SGCZ: variants seen among roughly 807,000 people sequenced by gnomAD.
The protein encoded by SGCZ is sarcoglycan zeta.
Under a neutral mutation model 41.3 loss-of-function variants are expected in SGCZ, and 40 were observed. The observed-to-expected ratio is 0.97, with a 90% CI of 0.75 to 1.26. SGCZ has a LOEUF of 1.26. SGCZ is among the 50% of genes most tolerant of loss of function. SGCZ has a pLI of 0.00. For missense variants in SGCZ, 552 were observed against 369.8 expected (o/e 1.49, Z -4.04); for synonymous variants, 206 against 137.5 (o/e 1.50, Z -3.49).
At chr8:14,565,918 C>A in intron 1 of SGCZ, among the ~76,000 whole-genome samples, 1 of 152,014 alleles carries the variant, frequency 6.6e-6, no homozygotes, top group Non-Finnish European at 1.5e-5. Flanking sequence ...CTCTGACAAA[C>A]TTCTTTACAT....
chr8:14,775,469 G>C lies in SGCZ; in HGVS notation c.40-220543C>G, dbSNP rs879316149. 2.3e-3 allele frequency among the ~76,000 whole-genome samples: 341 copies of C among 150,224 alleles called. 3 individuals are homozygous for C. The highest frequency in any genetic ancestry group is 2.9e-3 in the African/African-American group (119 of 41,130). ...CTGAGTAGAATATTTGAGTGTGTGTGTGTGTGTGTGTGTGTGTGTGTGTGT... is the reference window on the plus strand; with the variant it reads ...CTGAGTAGAATATTTGAGTGTGTGTCTGTGTGTGTGTGTGTGTGTGTGTGT... On this transcript the variant is annotated intron_variant, in intron 1 of 7. Transcript: ENST00000382080.
chr8:14,695,752 T>G (rs971466570), intron 1 of SGCZ, among the ~76,000 whole-genome samples: 3 of 151,780 alleles, frequency 2.0e-5, no homozygotes, highest in African/African-American at 7.3e-5. Flanking sequence ...CATGCATATC[T>G]AAGGGCACAA....
At chr8:14,259,080 A>G (rs1415528202) in intron 3 of SGCZ, among the ~76,000 whole-genome samples, 2 of 152,174 alleles carry the variant, frequency 1.3e-5, no homozygotes, top group African/African-American at 4.8e-5. Flanking sequence ...ATGTTATGAA[A>G]AAAGGCATTT....
chr8:14,256,860 A>G (rs141146520), intron 3 of SGCZ, among the ~76,000 whole-genome samples: 1,732 of 152,300 alleles, frequency 0.011, 28 homozygotes, highest in African/African-American at 0.039. Flanking sequence ...AGCTAAATTA[A>G]TTATTTATAG....
At chr8:14,409,538 T>C (rs894268040) in intron 2 of SGCZ, among the ~76,000 whole-genome samples, 5 of 152,122 alleles carry the variant, frequency 3.3e-5, no homozygotes, top group South Asian at 2.1e-4. Flanking sequence ...TAAGAACTTA[T>C]GGGAATTAAA....
chr8:14,611,273 C>G (rs185253760), intron 1 of SGCZ, among the ~76,000 whole-genome samples: 14 of 151,978 alleles, frequency 9.2e-5, no homozygotes, highest in Admixed American at 2.6e-4. Flanking sequence ...CATTTTTATT[C>G]CCTTTGAGAA....
intron 1 of SGCZ, among the ~76,000 whole-genome samples, chr8:15,124,745 C>G (rs1459204933): frequency 6.6e-6 from 1 of 151,902 alleles, no homozygotes; most frequent in Admixed American, 6.6e-5. Context: ...GCAAGAAATG[C>G]CAAAGGGGGA....
In SGCZ at chr8:14,766,055, C is replaced by T. The variant is rs1173476278; in HGVS notation, c.40-211129G>A. On this transcript the variant is annotated intron_variant, in intron 1 of 7. Coordinates refer to ENST00000382080, the MANE Select transcript of SGCZ (RefSeq NM_139167.4). ...TCGGCTCACTGCAACCTCCACCTCC[C>T]GGGTTCAAGCAATTCTCCTGCCTCA... Among the ~76,000 whole-genome samples the T allele has an allele frequency of 2.0e-5, 3 of 151,584 alleles. No homozygotes were observed. The East Asian group carries it at 5.8e-4, about 29-fold the overall frequency.
At chr8:14,664,414 A>G (rs965501728) in intron 1 of SGCZ, among the ~76,000 whole-genome samples, 23 of 152,196 alleles carry the variant, frequency 1.5e-4, no homozygotes, top group African/African-American at 5.1e-4. Context: ...GTGTCTTTAA[A>G]ATGAAAGAAA....
intron 2 of SGCZ, among the ~76,000 whole-genome samples, chr8:14,440,096 G>C (rs1212231670): frequency 1.3e-5 from 2 of 151,848 alleles, no homozygotes; most frequent in African/African-American, 2.4e-5. Flanking sequence ...GTTCTTATAA[G>C]CCAGTGAATG....
chr8:14,574,670 T>A, intron 1 of SGCZ, among the ~76,000 whole-genome samples: 1 of 152,230 alleles, frequency 6.6e-6, no homozygotes, highest in East Asian at 1.9e-4. Flanking sequence ...CTTTGGGGCT[T>A]CAATCTGAAC....
At chr8:14,804,585 G>T (rs1230759078) in intron 1 of SGCZ, among the ~76,000 whole-genome samples, 1 of 140,858 alleles carries the variant, frequency 7.1e-6, no homozygotes, top group Non-Finnish European at 1.6e-5. Context: ...TATGTGAAAA[G>T]ACCAAATCTA....
chr8:14,616,226 T>C (rs1207404379), intron 1 of SGCZ, among the ~76,000 whole-genome samples: 1 of 150,500 alleles, frequency 6.6e-6, no homozygotes, highest in Admixed American at 6.6e-5. Flanking sequence ...GAACTTGCAG[T>C]GAGTGGAGAT....
chr8:14,988,114 A>G (rs1378245272), intron 1 of SGCZ, among the ~76,000 whole-genome samples: 1 of 152,046 alleles, frequency 6.6e-6, no homozygotes, highest in Non-Finnish European at 1.5e-5. Flanking sequence ...GTGATTTAAA[A>G]TATATTGTTT....
intron 1 of SGCZ, among the ~76,000 whole-genome samples, chr8:14,738,622 A>C (rs1799115234): frequency 6.6e-6 from 1 of 152,066 alleles, no homozygotes; most frequent in Non-Finnish European, 1.5e-5. Context: ...GGTTAGCAGC[A>C]GTTTACATGA....
At chr8:14,949,283 T>C (rs1458062162) in intron 1 of SGCZ, among the ~76,000 whole-genome samples, 1 of 152,208 alleles carries the variant, frequency 6.6e-6, no homozygotes, top group Non-Finnish European at 1.5e-5. Flanking sequence ...AAGATACTGA[T>C]AAGATTCTCT....
chr8:14,812,942 CTT>C (rs893151400), intron 1 of SGCZ, among the ~76,000 whole-genome samples: 1 of 152,092 alleles, frequency 6.6e-6, no homozygotes, highest in Non-Finnish European at 1.5e-5. Context: ...ATATGCCAGA[CTT>C]ATATAATTAT....
At chr8:14,595,147 T>A (rs1441148056) in intron 1 of SGCZ, among the ~76,000 whole-genome samples, 1 of 152,190 alleles carries the variant, frequency 6.6e-6, no homozygotes, top group Non-Finnish European at 1.5e-5. Flanking sequence ...TGGAATTAGT[T>A]CTACCCTTTC....
At chr8:15,003,538 C>T (rs1200867778) in intron 1 of SGCZ, among the ~76,000 whole-genome samples, 14 of 152,016 alleles carry the variant, frequency 9.2e-5, no homozygotes, top group Admixed American at 9.2e-4. Context: ...TTAGTCAAAC[C>T]ATACAATTAA....
Sources: allele counts gnomAD v4.1 joint callset (sites outside exome capture counted in the v4.1 genomes callset), GRCh38; gene constraint gnomAD v4.1.1; transcripts MANE v1.5; gene names NCBI Gene and HGNC (gene_info 2026-07-23, HGNC 2026-07-21).